PLCE1: variants seen among roughly 807,000 people sequenced by gnomAD.
PLCE1 encodes the protein 1-phosphatidylinositol 4,5-bisphosphate phosphodiesterase epsilon-1.
A neutral mutation model predicts 242.8 loss-of-function variants in PLCE1; 119 were observed. The ratio of observed to expected loss-of-function variants is 0.49; its 90% CI spans 0.42 to 0.57. The LOEUF (loss-of-function observed/expected upper bound fraction) is 0.57. PLCE1 is among the 20% of genes least tolerant of loss of function. PLCE1 has a pLI of 0.00. For synonymous variants in PLCE1, 945 were observed against 1,017.4 expected (o/e 0.93, Z 1.35); for missense variants, 2,441 against 2,788.8 (o/e 0.88, Z 2.81).
chr10:94,265,908 C>T lies in PLCE1; in HGVS notation c.4231C>T (p.Leu1411Phe). ...YYIESSHNTY[L>F]TGHQLKGESS... ...CATCGAATCTTCGCACAATACCTAC[C>T]TCACGGGCCATCAGCTCAAAGGAGA... The change falls in exon 16 of 33, where the codon CTC becomes TTC. Residue 1411 changes from leucine to phenylalanine, a missense_variant. Leu to Phe is a conservative substitution (Grantham distance 22, BLOSUM62 0). This residue lies in a region of PLCE1 where 1,004 missense variants were observed against 1,322.7 expected (regional missense o/e 0.76). Transcript: ENST00000371380. 6.2e-7 allele frequency: 1 copy of T among 1,614,060 alleles called. No individual in the cohort carries two copies. Among genetic ancestry groups the T allele is most frequent in the Non-Finnish European group, 8.5e-7 (1 of 1,179,956 alleles).
intron 4 of PLCE1, among the ~76,000 whole-genome samples, chr10:94,188,338 C>T (rs1192123136): frequency 6.6e-6 from 1 of 152,162 alleles, no homozygotes; most frequent in Admixed American, 6.5e-5. Flanking sequence ...TGGAAACCAA[C>T]AACCAATCTT....
chr10:94,072,252 ATTTC>A lies in PLCE1; in HGVS notation c.1206+40020_1206+40023del, dbSNP rs374238643. Among the ~76,000 whole-genome samples the A allele has an allele frequency of 9.2e-4, 139 of 151,042 alleles. 1 individual carries two copies. The East Asian group carries it at 0.017, about 19-fold the overall frequency. Reference sequence around the variant, plus strand: ...TTCCACCACTTTGCCTGAATTACCCATTTCTTTCTTTCTTTCTTTCTTTTTTGTT... The same window carrying A: ...TTCCACCACTTTGCCTGAATTACCCATTTCTTTCTTTCTTTCTTTTTTGTT... On this transcript the variant is annotated intron_variant, in intron 2 of 32. Coordinates refer to ENST00000371380, the MANE Select transcript of PLCE1 (RefSeq NM_016341.4).
chr10:94,244,282 T>C (rs2050603313), intron 7 of PLCE1, among the ~76,000 whole-genome samples: 1 of 152,342 alleles, frequency 6.6e-6, no homozygotes, highest in Non-Finnish European at 1.5e-5. Flanking sequence ...AAGTGTCTCC[T>C]GAGCATGAGA....
chr10:94,274,162 G>A (rs1486893208), intron 19 of PLCE1, among the ~76,000 whole-genome samples: 4 of 151,956 alleles, frequency 2.6e-5, no homozygotes, highest in South Asian at 2.1e-4. Flanking sequence ...GCCCAGATCC[G>A]GACAACAGAG....
chr10:94,316,996 A>T (rs891774468), intron 29 of PLCE1, among the ~76,000 whole-genome samples: 6 of 152,258 alleles, frequency 3.9e-5, no homozygotes, highest in African/African-American at 1.4e-4. Context: ...CACGCCTGTA[A>T]TCTCAGCATT....
Position 94,246,444 on chromosome 10 carries a change from A to T in PLCE1, c.2919A>T (p.Thr973=). 6.2e-7 allele frequency: 1 copy of T among 1,614,192 alleles called. No homozygotes were observed. ...GSMFLSETGV[T]LLYGLQTTDN... is the part of the protein sequence containing the mutation. ...TGTTCCTGTCAGAGACTGGTGTGAC[A>T]TTGCTCTATGGGCTTCAGACCACAG... Residue 973 remains threonine (T), a synonymous_variant, in exon 8 of 33, where the codon ACA becomes ACT. Coordinates refer to ENST00000371380, the MANE Select transcript of PLCE1 (RefSeq NM_016341.4).
At chr10:94,215,411 G>A (rs1221062294) in intron 4 of PLCE1, among the ~76,000 whole-genome samples, 1 of 152,212 alleles carries the variant, frequency 6.6e-6, no homozygotes, top group African/African-American at 2.4e-5. Flanking sequence ...TCCATCTGCA[G>A]TGGCAAAGTC....
At chr10:94,120,015 C>T (rs1033931531) in intron 2 of PLCE1, among the ~76,000 whole-genome samples, 1 of 152,146 alleles carries the variant, frequency 6.6e-6, no homozygotes, top group African/African-American at 2.4e-5. Flanking sequence ...GGCACCCCAG[C>T]GTGGGTCCTA....
At chr10:94,087,103 T>TTTG (rs2044855332) in intron 2 of PLCE1, among the ~76,000 whole-genome samples, 1 of 152,052 alleles carries the variant, frequency 6.6e-6, no homozygotes, top group South Asian at 2.1e-4. Context: ...ATCCCAGCCC[T>TTTG]TTGGGAGGCC....
rs763196962 is a variant in PLCE1, at chr10:94,171,441, C to A, written c.1754C>A (p.Thr585Asn). The A allele has an allele frequency of 1.9e-6, 3 of 1,614,168 alleles. No homozygotes were observed. Among genetic ancestry groups the A allele is most frequent in the Non-Finnish European group, 2.5e-6 (3 of 1,179,994 alleles). The change falls in exon 4 of 33, where the codon ACC becomes AAC. Residue 585 changes from threonine to asparagine, a missense_variant. Thr to Asn is a moderately conservative substitution (Grantham distance 65). Coordinates refer to ENST00000371380, the MANE Select transcript of PLCE1 (RefSeq NM_016341.4). ...LKASISASIL[T>N]TQNGEHNALE... is the part of the protein sequence containing the mutation. ...GCATCCATCTCAGCGTCGATTCTTACCACTCAGAATGGAGAGCACAATGCC... is the reference window on the plus strand; with the variant it reads ...GCATCCATCTCAGCGTCGATTCTTAACACTCAGAATGGAGAGCACAATGCC...
intron 5 of PLCE1, among the ~76,000 whole-genome samples, chr10:94,229,386 T>G (rs555302620): frequency 6.6e-6 from 1 of 152,312 alleles, no homozygotes; most frequent in Non-Finnish European, 1.5e-5. Flanking sequence ...GCACGGTGAC[T>G]GGCTCCTTCT....
chr10:94,089,385 T>A (rs1480920179), intron 2 of PLCE1: 1 of 1,565,454 alleles, frequency 6.4e-7, no homozygotes, highest in Non-Finnish European at 8.6e-7. Context: ...AGGTAAGGGT[T>A]CTTGTTGTCT....
chr10:94,058,546 A>G lies in PLCE1; in HGVS notation c.1206+26294A>G, dbSNP rs111848869. Among the ~76,000 whole-genome samples the G allele has an allele frequency of 6.5e-3, 997 of 152,306 alleles. 13 individuals are homozygous for G. Among genetic ancestry groups the G allele is most frequent in the African/African-American group, 0.023 (954 of 41,582 alleles). On this transcript the variant is annotated intron_variant, in intron 2 of 32. Transcript: ENST00000371380. ...TTAGTAGAGCAAGTTTTCCTTGACC[A>G]TGGAATGAGCATGCTGTGGGCAATG... is the stretch of plus-strand genomic sequence containing the variant.
At chr10:94,220,376 T>TTATA (rs59633337) in intron 4 of PLCE1, among the ~76,000 whole-genome samples, 3,204 of 61,394 alleles carry the variant, frequency 0.052, 173 homozygotes, top group East Asian at 0.1. Flanking sequence ...ACTAAACATT[T>TTATA]TATATATATA....
At chr10:94,309,198 T>G (rs80150674) in intron 27 of PLCE1, among the ~76,000 whole-genome samples, 3,981 of 152,312 alleles carry the variant, frequency 0.026, 55 homozygotes, top group South Asian at 0.041. Flanking sequence ...AAGGCTGGAG[T>G]GAGCAATAGG....
intron 14 of PLCE1, among the ~76,000 whole-genome samples, chr10:94,264,875 C>G (rs2051457348): frequency 6.6e-6 from 1 of 152,102 alleles, no homozygotes; most frequent in African/African-American, 2.4e-5. Context: ...AACCTGTAGT[C>G]CCAGCTACTC....
At chr10:94,202,056 G>T (rs920268565) in intron 4 of PLCE1, among the ~76,000 whole-genome samples, 4 of 152,182 alleles carry the variant, frequency 2.6e-5, no homozygotes, top group Non-Finnish European at 5.9e-5. Flanking sequence ...AGGGGTTTTT[G>T]TGTGTGTATG....
chr10:94,316,416 A>G (rs951740471), intron 28 of PLCE1, 131 bp from the exon 29 acceptor site: 4 of 668,706 alleles, frequency 6.0e-6, no homozygotes, highest in African/African-American at 1.8e-5. Flanking sequence ...AGATCTTCCA[A>G]AAAGAATTAT....
intron 4 of PLCE1, among the ~76,000 whole-genome samples, chr10:94,193,579 T>C (rs541391617): frequency 3.9e-5 from 6 of 152,356 alleles, no homozygotes; most frequent in African/African-American, 9.6e-5. Context: ...TTCTTGTTTA[T>C]ACAATGTGCA....
Sources: gnomAD v4.1 joint callset for allele counts (sites outside exome capture counted in the v4.1 genomes callset) on GRCh38, gnomAD v4.1.1 for gene constraint, gnomAD v4.1.1 regional missense constraint, MANE v1.5 for transcripts, NCBI Gene and HGNC (gene_info 2026-07-23, HGNC 2026-07-21) for gene names.